The following EPHA6 variants were observed in gnomAD, a reference collection of about 807,000 sequenced individuals.
EPHA6 encodes the protein ephrin type-A receptor 6.
Under a neutral mutation model 112.0 loss-of-function variants are expected in EPHA6, and 50 were observed. The ratio of observed to expected loss-of-function variants is 0.45; its 90% confidence interval spans 0.36 to 0.56. The LOEUF (loss-of-function observed/expected upper bound fraction) is 0.56. Among genes scored for constraint, EPHA6 ranks in the 20% least tolerant of loss-of-function variants. The pLI, the probability that EPHA6 is intolerant of heterozygous loss-of-function variation, is 0.00. For synonymous variants in EPHA6, 529 were observed against 490.7 expected (o/e 1.08, Z -1.03); for missense variants, 1,280 against 1,417.4 (o/e 0.90, Z 1.56).
chr3:96,821,081 A>G (rs1465028250), intron 1 of EPHA6, among the ~76,000 whole-genome samples: 2 of 151,908 alleles, frequency 1.3e-5, no homozygotes, highest in Admixed American at 6.6e-5. Context: ...AGAAAATGAG[A>G]TTTCAGGATA....
At chr3:97,166,645 T>C (rs2076550455) in intron 3 of EPHA6, among the ~76,000 whole-genome samples, 1 of 152,170 alleles carries the variant, frequency 6.6e-6, no homozygotes, top group Non-Finnish European at 1.5e-5. Context: ...GTTTGTGGAC[T>C]GCATAACTCC....
intron 13 of EPHA6, among the ~76,000 whole-genome samples, chr3:97,612,985 C>A (rs1297386843): frequency 2.6e-5 from 4 of 152,012 alleles, no homozygotes; most frequent in African/African-American, 9.7e-5. Flanking sequence ...TACTACTTTT[C>A]CTTATAAGTC....
intron 3 of EPHA6, among the ~76,000 whole-genome samples, chr3:97,188,599 T>C (rs2077218475): frequency 6.6e-6 from 1 of 151,972 alleles, no homozygotes; most frequent in Admixed American, 6.6e-5. Flanking sequence ...AATGTTTTCA[T>C]TTATTACATC....
intron 3 of EPHA6, among the ~76,000 whole-genome samples, chr3:97,184,668 C>A (rs1276015618): frequency 6.6e-6 from 1 of 152,106 alleles, no homozygotes; most frequent in East Asian, 1.9e-4. Context: ...CAATGCCATC[C>A]CCATCAAGCT....
At chr3:97,513,188 G>A (rs1304375897) in intron 10 of EPHA6, among the ~76,000 whole-genome samples, 2 of 152,168 alleles carry the variant, frequency 1.3e-5, no homozygotes, top group South Asian at 2.1e-4. Flanking sequence ...ATTTCACAGT[G>A]TATGTTGGTA....
At chr3:96,918,999 TTGAG>T (rs1410197685) in intron 2 of EPHA6, among the ~76,000 whole-genome samples, 1 of 152,118 alleles carries the variant, frequency 6.6e-6, no homozygotes, top group African/African-American at 2.4e-5. Flanking sequence ...TAAATCATAA[TTGAG>T]TATTTTATAG....
At chr3:97,735,631 T>A (rs1401721305) in intron 15 of EPHA6, among the ~76,000 whole-genome samples, 2 of 152,020 alleles carry the variant, frequency 1.3e-5, no homozygotes, top group Non-Finnish European at 2.9e-5. Context: ...TTTGAGATGT[T>A]CCAGCTAAGT....
chr3:97,494,067 G>A (rs2091917639), intron 10 of EPHA6, among the ~76,000 whole-genome samples: 1 of 152,144 alleles, frequency 6.6e-6, no homozygotes, highest in African/African-American at 2.4e-5. Context: ...CTTTGACCAG[G>A]ATGTACCTAT....
At chr3:97,095,054 G>C (rs1055584844) in intron 3 of EPHA6, among the ~76,000 whole-genome samples, 4 of 152,012 alleles carry the variant, frequency 2.6e-5, no homozygotes, top group Non-Finnish European at 5.9e-5. Context: ...TTTAAAAATT[G>C]AATAAGAGAA....
Position 97,758,790 on chromosome 3 carries a change from G to GA in EPHA6, c.*10093dup, listed in dbSNP as rs1173975418. Among the ~76,000 whole-genome samples, 1 of 151,816 alleles carries GA rather than the reference G, an allele frequency of 6.6e-6. No homozygotes were observed. Among genetic ancestry groups the GA allele is most frequent in the African/African-American group, 2.4e-5 (1 of 41,380 alleles). ...GGGGGAAGAGCATTACAAGCAGAGG[G>GA]AAAATTTAATGAATGAAATTACAAG... is the stretch of plus-strand genomic sequence containing the variant. On this transcript the variant is annotated 3_prime_UTR_variant, in exon 18 of 18. Coordinates refer to ENST00000389672, the MANE Select transcript of EPHA6 (RefSeq NM_001080448.3).
intron 6 of EPHA6, among the ~76,000 whole-genome samples, chr3:97,421,164 A>G (rs1305006579): frequency 6.6e-6 from 1 of 152,106 alleles, no homozygotes; most frequent in African/African-American, 2.4e-5. Flanking sequence ...TTTCTACTAA[A>G]TATTAGAGGA....
At chr3:97,597,322 G>A (rs573803623) in intron 12 of EPHA6, among the ~76,000 whole-genome samples, 1 of 152,130 alleles carries the variant, frequency 6.6e-6, no homozygotes, top group Non-Finnish European at 1.5e-5. Flanking sequence ...TAGGTTCAAA[G>A]GAAATGGCAA....
chr3:97,351,031 C>A (rs1349081916), intron 5 of EPHA6, among the ~76,000 whole-genome samples: 1 of 152,116 alleles, frequency 6.6e-6, no homozygotes. Flanking sequence ...CCATTCTTTG[C>A]ATATTTAGTA....
intron 7 of EPHA6, among the ~76,000 whole-genome samples, chr3:97,454,420 A>G (rs1005532875): frequency 6.6e-6 from 1 of 151,844 alleles, no homozygotes; most frequent in African/African-American, 2.4e-5. Flanking sequence ...TACCAGGTCA[A>G]AAAGAAAAAG....
chr3:97,714,211 T>C (rs539998538), intron 14 of EPHA6, among the ~76,000 whole-genome samples: 1 of 152,310 alleles, frequency 6.6e-6, no homozygotes, highest in South Asian at 2.1e-4. Flanking sequence ...TTTGGATACA[T>C]AATTAAGGAA....
intron 3 of EPHA6, among the ~76,000 whole-genome samples, chr3:97,144,087 C>T (rs749635913): frequency 2.0e-5 from 3 of 151,638 alleles, no homozygotes; most frequent in Non-Finnish European, 4.4e-5. Context: ...TTGTGTATAA[C>T]AACCCTCCCT....
Position 97,076,474 on chromosome 3 carries a change from C to T in EPHA6, c.1114+88481C>T, listed in dbSNP as rs114424566. ...AGTTGGAAGCTGACAGAGATTGGTT[C>T]ATGAGGTTTAAGGATGAAAGTCATG... is the stretch of plus-strand genomic sequence containing the variant. On this transcript the variant is annotated intron_variant, in intron 3 of 17. Transcript: ENST00000389672. 6.1e-3 allele frequency among the ~76,000 whole-genome samples: 932 copies of T among 152,196 alleles called. 7 individuals carry two copies. Among genetic ancestry groups the T allele is most frequent in the African/African-American group, 0.02 (837 of 41,546 alleles).
At chr3:97,683,682 G>A (rs770424156) in intron 14 of EPHA6, among the ~76,000 whole-genome samples, 24 of 152,032 alleles carry the variant, frequency 1.6e-4, no homozygotes, top group Non-Finnish European at 2.6e-4. Flanking sequence ...TGGCTTGAGG[G>A]TTGATAAATT....
chr3:97,042,007 G>C (rs762361356), intron 3 of EPHA6, among the ~76,000 whole-genome samples: 4 of 152,010 alleles, frequency 2.6e-5, no homozygotes, highest in Non-Finnish European at 4.4e-5. Context: ...AAACCTTAAT[G>C]GCCTTGGTCC....
Sources: gnomAD v4.1 joint callset for allele counts (sites outside exome capture counted in the v4.1 genomes callset) on GRCh38, gnomAD v4.1.1 for gene constraint, MANE v1.5 for transcripts, NCBI Gene and HGNC (gene_info 2026-07-23, HGNC 2026-07-21) for gene names.